Variants in UBE2E2 observed in about 807,000 individuals in gnomAD.
The protein encoded by UBE2E2 is ubiquitin-conjugating enzyme E2 E2.
Under a neutral mutation model 24.7 loss-of-function variants are expected in UBE2E2, and 6 were observed. That is an observed-to-expected ratio of 0.24 (90% CI 0.13 to 0.48). The LOEUF is 0.48. UBE2E2 is among the 20% of genes least tolerant of loss of function. The pLI, the probability that UBE2E2 is intolerant of heterozygous loss-of-function variation, is 0.99. For synonymous variants in UBE2E2, 104 were observed against 83.6 expected (o/e 1.24, Z -1.33); for missense variants, 169 against 245.0 (o/e 0.69, Z 2.07).
chr3:23,352,599 C>T (rs1352103220), intron 3 of UBE2E2, among the ~76,000 whole-genome samples: 1 of 152,090 alleles, frequency 6.6e-6, no homozygotes, highest in African/African-American at 2.4e-5. Flanking sequence ...GAGAATACTA[C>T]AAACACCTCT....
At chr3:23,571,553 G>T (rs1696231851) in intron 5 of UBE2E2, among the ~76,000 whole-genome samples, 1 of 151,860 alleles carries the variant, frequency 6.6e-6, no homozygotes, top group Non-Finnish European at 1.5e-5. Context: ...CTCCCAAAGT[G>T]CTGGGATTAC....
intron 4 of UBE2E2, among the ~76,000 whole-genome samples, chr3:23,504,186 C>A (rs953345167): frequency 1.3e-5 from 2 of 152,132 alleles, no homozygotes; most frequent in Non-Finnish European, 2.9e-5. Flanking sequence ...GGCCATACTC[C>A]CCATGGCTTC....
At chr3:23,263,828 T>C (rs1374420579) in intron 3 of UBE2E2, among the ~76,000 whole-genome samples, 2 of 152,144 alleles carry the variant, frequency 1.3e-5, no homozygotes, top group African/African-American at 4.8e-5. Flanking sequence ...TTAGAATTCT[T>C]AGCATGTTTA....
Position 23,301,793 on chromosome 3 carries a change from A to G in UBE2E2, c.227+84481A>G, listed in dbSNP as rs62255346. Among the ~76,000 whole-genome samples, 939 of 147,924 alleles carry G rather than the reference A, an allele frequency of 6.3e-3. 10 individuals carry two copies. Among genetic ancestry groups the G allele is most frequent in the Non-Finnish European group, 0.01 (689 of 67,984 alleles). ...TCTCCAGCTGCGTGCTGGGAGAACC[A>G]CTACTGTCTTCAAAGCTCAGTTGGA... On this transcript the variant is annotated intron_variant, in intron 3 of 5. Transcript: ENST00000396703.
chr3:23,445,965 C>A (rs1481444982), intron 3 of UBE2E2, among the ~76,000 whole-genome samples: 1 of 152,128 alleles, frequency 6.6e-6, no homozygotes, highest in East Asian at 1.9e-4. Flanking sequence ...GCATTTTTAT[C>A]CGTCAATGAT....
intron 5 of UBE2E2, among the ~76,000 whole-genome samples, chr3:23,587,776 G>T (rs1177221274): frequency 6.6e-6 from 1 of 152,206 alleles, no homozygotes; most frequent in Non-Finnish European, 1.5e-5. Flanking sequence ...AAATCTTGTT[G>T]AATCTTGACT....
At chr3:23,533,867 C>T (rs759201163) in intron 5 of UBE2E2, among the ~76,000 whole-genome samples, 15 of 151,964 alleles carry the variant, frequency 9.9e-5, no homozygotes, top group Non-Finnish European at 1.5e-4. Context: ...GTGATCCGCC[C>T]GCTTTGGCCC....
At chr3:23,248,084 T>TG (rs2125343235) in intron 3 of UBE2E2, among the ~76,000 whole-genome samples, 1 of 152,372 alleles carries the variant, frequency 6.6e-6, no homozygotes, top group African/African-American at 2.4e-5. Flanking sequence ...TTTTCACTAT[T>TG]GCAAAAGTGT....
At chr3:23,301,509 C>A (rs899659398) in intron 3 of UBE2E2, among the ~76,000 whole-genome samples, 1 of 152,172 alleles carries the variant, frequency 6.6e-6, no homozygotes, top group African/African-American at 2.4e-5. Context: ...CAGTCAGGAC[C>A]CTCAGCCGCA....
chr3:23,385,015 C>A (rs528404807), intron 3 of UBE2E2, among the ~76,000 whole-genome samples: 1 of 152,140 alleles, frequency 6.6e-6, no homozygotes, highest in East Asian at 1.9e-4. Flanking sequence ...ACTGCAACCT[C>A]CATCCCCCAG....
intron 5 of UBE2E2, among the ~76,000 whole-genome samples, chr3:23,563,139 C>G (rs559066385): frequency 1.3e-5 from 2 of 152,112 alleles, no homozygotes; most frequent in Non-Finnish European, 2.9e-5. Flanking sequence ...TCTTGCTTCT[C>G]TAGTTCTTTT....
chr3:23,359,600 C>T (rs1696058935), intron 3 of UBE2E2, among the ~76,000 whole-genome samples: 1 of 152,070 alleles, frequency 6.6e-6, no homozygotes, highest in Non-Finnish European at 1.5e-5. Flanking sequence ...ATTTGTAGCA[C>T]GTTTAGAAAC....
chr3:23,376,257 T>C (rs1696518736), intron 3 of UBE2E2, among the ~76,000 whole-genome samples: 1 of 152,218 alleles, frequency 6.6e-6, no homozygotes, highest in South Asian at 2.1e-4. Context: ...TTTGAGGAGC[T>C]TTTCTATAGC....
intron 3 of UBE2E2, among the ~76,000 whole-genome samples, chr3:23,394,284 T>G (rs939407969): frequency 5.9e-5 from 9 of 152,220 alleles, no homozygotes; most frequent in African/African-American, 2.2e-4. Flanking sequence ...TCAATATTTA[T>G]TTTATACAGT....
intron 3 of UBE2E2, among the ~76,000 whole-genome samples, chr3:23,302,140 C>G (rs1036928463): frequency 6.6e-6 from 1 of 152,130 alleles, no homozygotes; most frequent in African/African-American, 2.4e-5. Flanking sequence ...TTAGGTTTCT[C>G]TGTCTCCCAG....
At chr3:23,461,239 T>A (rs1698798869) in intron 3 of UBE2E2, among the ~76,000 whole-genome samples, 1 of 152,146 alleles carries the variant, frequency 6.6e-6, no homozygotes. Context: ...AAATAACTAG[T>A]CATAGTACTT....
At position 23,464,609 on chromosome 3, in the gene UBE2E2, G is replaced by T. The variant is rs1698883951; in HGVS notation, c.228-34999G>T. Among the ~76,000 whole-genome samples the T allele has an allele frequency of 3.9e-5, 6 of 152,190 alleles. No individual in the cohort carries two copies. In the South Asian group the frequency reaches 1.2e-3, roughly 32 times the overall value. On this transcript the variant is annotated intron_variant, in intron 3 of 5. Transcript: ENST00000396703. ...TTCAAAGACAAAATAAATTAACTGT[G>T]ACCTTAAATCAAAATTTAATTATGT...
At chr3:23,585,507 G>A (rs1247202023) in intron 5 of UBE2E2, among the ~76,000 whole-genome samples, 1 of 152,048 alleles carries the variant, frequency 6.6e-6, no homozygotes, top group Non-Finnish European at 1.5e-5. Context: ...TTCTGCCTCA[G>A]GAAACCTCTA....
At position 23,583,852 on chromosome 3, in the gene UBE2E2, C is replaced by T. The variant is rs1030108886; in HGVS notation, c.509-5882C>T. On this transcript the variant is annotated intron_variant, in intron 5 of 5. Coordinates refer to ENST00000396703, the MANE Select transcript of UBE2E2 (RefSeq NM_152653.4). This position sits in a 1 kb window ranked among gnomAD's most constrained non-coding sequence, Gnocchi z 4.1. Reference sequence around the variant, plus strand: ...GGGTTTTCTAGGTATAGAATCATATCGTCTACAAACAGGGATAGTTTGACT... The same window carrying T: ...GGGTTTTCTAGGTATAGAATCATATTGTCTACAAACAGGGATAGTTTGACT... Among the ~76,000 whole-genome samples the T allele has an allele frequency of 1.3e-5, 2 of 152,266 alleles. No individual in the cohort carries two copies. The highest frequency in any genetic ancestry group is 2.9e-5 in the Non-Finnish European group (2 of 68,024).
Sources: gnomAD v4.1 joint callset for allele counts (sites outside exome capture counted in the v4.1 genomes callset) on GRCh38, gnomAD v4.1.1 for gene constraint, Gnocchi (gnomAD v3.1) non-coding constraint, MANE v1.5 for transcripts, NCBI Gene and HGNC (gene_info 2026-07-23, HGNC 2026-07-21) for gene names.